The following SHROOM4 variants were observed in gnomAD, a reference collection of about 807,000 sequenced individuals.
The protein encoded by SHROOM4 is protein Shroom4.
A neutral mutation model predicts 80.3 loss-of-function variants in SHROOM4; 17 were observed. That is an observed-to-expected ratio of 0.21 (90% CI 0.14 to 0.32). The LOEUF is 0.32. SHROOM4 is among the 10% of genes least tolerant of loss of function. The pLI, the probability that SHROOM4 is intolerant of heterozygous loss-of-function variation, is 1.00. For synonymous variants in SHROOM4, 400 were observed against 437.5 expected (o/e 0.91, Z 1.07); for missense variants, 993 against 1,140.3 (o/e 0.87, Z 1.86).
In SHROOM4 at chrX:50,638,169, CT is replaced by C; in HGVS notation, c.404+4del. ...CCTGTCTTGAGGGGAGGGCTCTAGA[CT>C]CACCTTGTGTTGCAGCCAGAATGCC... On this transcript the variant is annotated splice_donor_region_variant and intron_variant, in intron 3 of 8. Coordinates refer to ENST00000376020, the MANE Select transcript of SHROOM4 (RefSeq NM_020717.5). 4.2e-6 allele frequency: 5 copies of C among 1,204,518 alleles called. No individual in the cohort carries two copies. Among genetic ancestry groups the C allele is most frequent in the Non-Finnish European group, 5.6e-6 (5 of 891,809 alleles).
chrX:50,710,967 AG>A (rs1263483850), intron 1 of SHROOM4, among the ~76,000 whole-genome samples: 1 of 111,990 alleles, frequency 8.9e-6, no homozygotes, highest in Non-Finnish European at 1.9e-5. Flanking sequence ...GGACCAAGCC[AG>A]GAACATTTTA....
the SHROOM4 span, among the ~76,000 whole-genome samples, chrX:50,579,925 C>A: frequency 9.0e-6 from 1 of 111,693 alleles, no homozygotes; most frequent in East Asian, 2.8e-4. Context: ...GATAAACAAC[C>A]AGCACCCCTA....
Position 50,666,035 on chromosome X carries a change from A to G in SHROOM4, c.270-27727T>C, listed in dbSNP as rs782277921. The stretch of plus-strand genomic sequence containing the variant: ...GAGCTGTAGAATTACGATACTCCTA[A>G]TGAATGGAATTCTCCAAAACTCAGC... On this transcript the variant is annotated intron_variant, in intron 2 of 8. Transcript: ENST00000376020. Among the ~76,000 whole-genome samples, 445 of 112,152 alleles carry G rather than the reference A, an allele frequency of 4.0e-3. 1 individual carries two copies. The highest frequency in any genetic ancestry group is 6.5e-3 in the Non-Finnish European group (348 of 53,206).
At chrX:50,802,833 G>GA (rs1223940178) in intron 1 of SHROOM4, among the ~76,000 whole-genome samples, 5 of 111,729 alleles carry the variant, frequency 4.5e-5, no homozygotes, top group Non-Finnish European at 9.4e-5. Flanking sequence ...GGGGTATCCA[G>GA]AATACCTGGC....
chrX:50,804,379 C>T (rs1557272878), intron 1 of SHROOM4, among the ~76,000 whole-genome samples: 1 of 111,669 alleles, frequency 9.0e-6, no homozygotes, highest in Admixed American at 9.5e-5. Flanking sequence ...AAACAAAGAC[C>T]TTCCTTTGAC....
At chrX:50,578,791 C>A in the SHROOM4 span, among the ~76,000 whole-genome samples, 1 of 111,697 alleles carries the variant, frequency 9.0e-6, no homozygotes, top group Non-Finnish European at 1.9e-5. Context: ...GTGGCATGCA[C>A]TATCTCAGAA....
At chrX:50,682,784 T>A (rs782183134) in intron 2 of SHROOM4, among the ~76,000 whole-genome samples, 1 of 111,784 alleles carries the variant, frequency 8.9e-6, no homozygotes, top group Non-Finnish European at 1.9e-5. Context: ...TGTAGCTGGA[T>A]GTGATGGTTA....
intron 1 of SHROOM4, among the ~76,000 whole-genome samples, chrX:50,769,571 CATTCTGCCA>C (rs1288635232): frequency 9.0e-6 from 1 of 111,647 alleles, no homozygotes; most frequent in Non-Finnish European, 1.9e-5. Context: ...TTGTTCTAGC[CATTCTGCCA>C]ATTACTTCAT....
chrX:50,689,115 T>C (rs1933156117), intron 2 of SHROOM4, among the ~76,000 whole-genome samples: 1 of 111,674 alleles, frequency 9.0e-6, no homozygotes, highest in African/African-American at 3.3e-5. Flanking sequence ...TGATAAATGT[T>C]TGAGATAATA....
At chrX:50,615,461 A>G (rs1234756942) in intron 5 of SHROOM4, among the ~76,000 whole-genome samples, 2 of 111,107 alleles carry the variant, frequency 1.8e-5, no homozygotes, top group Non-Finnish European at 3.8e-5. Context: ...CTGTCCTCTA[A>G]CAGCACCCAT....
chrX:50,670,033 C>T (rs1932778990), intron 2 of SHROOM4, among the ~76,000 whole-genome samples: 1 of 112,060 alleles, frequency 8.9e-6, no homozygotes, highest in Admixed American at 9.4e-5. Context: ...ATAAGATTTT[C>T]AATTTACTTT....
intron 1 of SHROOM4, among the ~76,000 whole-genome samples, chrX:50,748,406 G>C (rs1934825493): frequency 8.9e-6 from 1 of 111,896 alleles, no homozygotes; most frequent in African/African-American, 3.3e-5. Context: ...TAGTTATCAA[G>C]AAGGTACATA....
chrX:50,652,650 G>C (rs1282866300), intron 2 of SHROOM4, among the ~76,000 whole-genome samples: 4 of 111,762 alleles, frequency 3.6e-5, no homozygotes, highest in Admixed American at 9.5e-5. Flanking sequence ...TTTGCCCATG[G>C]CTATGTCCTG....
At chrX:50,613,372 G>A (rs782114504) in intron 5 of SHROOM4, among the ~76,000 whole-genome samples, 34 of 111,785 alleles carry the variant, frequency 3.0e-4, no homozygotes, top group African/African-American at 1.1e-3. Flanking sequence ...CTTCGGCCTC[G>A]CAAAGTGCTA....
intron 1 of SHROOM4, among the ~76,000 whole-genome samples, chrX:50,780,137 A>C (rs1935593451): frequency 8.9e-6 from 1 of 112,002 alleles, no homozygotes; most frequent in Non-Finnish European, 1.9e-5. Context: ...TGAATTATCT[A>C]TGCATACAGA....
At chrX:50,669,224 A>G (rs782163759) in intron 2 of SHROOM4, among the ~76,000 whole-genome samples, 2 of 111,649 alleles carry the variant, frequency 1.8e-5, no homozygotes, top group Non-Finnish European at 3.8e-5. Context: ...TGCTGCATCA[A>G]TTGACCCTTC....
In SHROOM4 at chrX:50,633,139, C is replaced by T. The variant is rs4826618; in HGVS notation, c.2895+39G>A. ...TTACGTAGCTTTCCCCTCTCAAAGA[C>T]AATAATGAAGGTTACCCACCCAAGA... On this transcript the variant is annotated intron_variant, in intron 4 of 8. Transcript: ENST00000376020. 0.011 allele frequency: 12,662 copies of T among 1,129,948 alleles called. 1,516 individuals carry two copies. The Admixed American group carries it at 0.27, about 24-fold the overall frequency. The allele number at this position is 1,129,948 out of a possible 1,213,427, so 93.1% of individuals were successfully genotyped here. A position where few individuals can be genotyped will look rare whatever the true frequency, so the allele number is the denominator to read the frequency against.
intron 2 of SHROOM4, among the ~76,000 whole-genome samples, chrX:50,672,048 T>C (rs192533737): frequency 1.8e-5 from 2 of 111,960 alleles, no homozygotes; most frequent in East Asian, 5.6e-4. Context: ...GGGAGAGTGA[T>C]AGAGGAATGG....
intron 1 of SHROOM4, among the ~76,000 whole-genome samples, chrX:50,812,805 C>G (rs1936368268): frequency 8.9e-6 from 1 of 111,848 alleles, no homozygotes; most frequent in African/African-American, 3.3e-5. Flanking sequence ...ATCTTTCTAT[C>G]TCCAGCCTGA....
Sources: allele counts gnomAD v4.1 joint callset (sites outside exome capture counted in the v4.1 genomes callset), GRCh38; gene constraint gnomAD v4.1.1; transcripts MANE v1.5; gene names NCBI Gene and HGNC (gene_info 2026-07-23, HGNC 2026-07-21).